The following GCA variants were observed in gnomAD, a reference collection of about 807,000 sequenced individuals.
GCA encodes the protein grancalcin, also known as grancalcin, EF-hand calcium-binding protein.
Under a neutral mutation model 32.6 loss-of-function variants are expected in GCA, and 30 were observed. The observed-to-expected ratio is 0.92, with a 90% CI of 0.69 to 1.25. GCA has a LOEUF of 1.25. Among genes scored for constraint, GCA ranks in the 50% most tolerant of loss-of-function variants. The pLI is 0.00. For missense variants in GCA, 291 were observed against 266.8 expected (o/e 1.09, Z -0.63); for synonymous variants, 102 against 84.6 (o/e 1.21, Z -1.13).
At chr2:162,372,952 G>T (rs1327569706), downstream of GCA, among the ~76,000 whole-genome samples, 1 of 152,054 alleles carries the variant, frequency 6.6e-6, no homozygotes, top group African/African-American at 2.4e-5. Context: ...TCTGGTGATG[G>T]GTGGGGTACA....
intron 1 of GCA, among the ~76,000 whole-genome samples, chr2:162,329,101 G>A (rs533690013): frequency 1.2e-4 from 19 of 152,156 alleles, no homozygotes; most frequent in Non-Finnish European, 1.9e-4. Context: ...CTACGGTCTC[G>A]GGGGTTTTTT....
At chr2:162,347,277 G>A (rs1285003757) in intron 1 of GCA, among the ~76,000 whole-genome samples, 3 of 152,070 alleles carry the variant, frequency 2.0e-5, no homozygotes, top group African/African-American at 7.2e-5. Flanking sequence ...GTTTACTTCA[G>A]TGATGTTGGT....
downstream of GCA, among the ~76,000 whole-genome samples, chr2:162,367,601 C>T (rs952845966): frequency 2.0e-5 from 3 of 151,922 alleles, no homozygotes; most frequent in Non-Finnish European, 2.9e-5. Context: ...AGCTATAAAC[C>T]TAATAGTGCA....
intron 1 of GCA, among the ~76,000 whole-genome samples, chr2:162,326,127 C>A (rs1683867642): frequency 6.6e-6 from 1 of 152,154 alleles, no homozygotes; most frequent in Admixed American, 6.5e-5. Context: ...TTGCCCCTTG[C>A]AGCCTTCCCT....
downstream of GCA, chr2:162,373,740 C>T (rs542519044): frequency 3.0e-6 from 3 of 997,846 alleles, no homozygotes; most frequent in South Asian, 5.6e-5. Context: ...AATTTCAGCA[C>T]TACCAAGAAA....
chr2:162,319,014 C>T, upstream of GCA: 1 of 380,102 alleles, frequency 2.6e-6, no homozygotes, highest in South Asian at 1.9e-5. Flanking sequence ...CAGAAACTGC[C>T]ACAGACCCGG....
rs1685607191 is a variant in GCA at position 162,362,328 on chromosome 2, A to G, written c.*2085A>G. 2.0e-6 allele frequency: 2 copies of G among 983,766 alleles called. No individual in the cohort carries two copies. The highest frequency in any genetic ancestry group is 2.4e-6 in the Non-Finnish European group (2 of 828,788). 60.9% of individuals were successfully genotyped at this position (983,766 alleles called of 1,614,324 possible). A position where few individuals can be genotyped will look rare whatever the true frequency, so the allele number is the denominator to read the frequency against. ...GCCAGGCAACTCTTCTGCACTTTAC[A>G]TTAAACAGACAAACTTATGTTAACA... On this transcript the variant is annotated 3_prime_UTR_variant, in exon 8 of 8. Coordinates refer to ENST00000437150, the MANE Select transcript of GCA (RefSeq NM_012198.5).
intron 1 of GCA, among the ~76,000 whole-genome samples, chr2:162,323,897 T>G (rs895180502): frequency 3.9e-5 from 6 of 151,956 alleles, no homozygotes; most frequent in African/African-American, 1.5e-4. Flanking sequence ...TGCGGGCTCT[T>G]TTTTGGTTCC....
chr2:162,345,129 G>GT (rs1684628030), intron 1 of GCA, among the ~76,000 whole-genome samples: 2 of 150,998 alleles, frequency 1.3e-5, no homozygotes, highest in Admixed American at 6.6e-5. Context: ...GGTGGTGGTG[G>GT]TGGTGGTTGT....
At chr2:162,347,789 T>G in intron 2 of GCA, 47 bp downstream of exon 2, 3 of 1,158,322 alleles carry the variant, frequency 2.6e-6, no homozygotes, top group Non-Finnish European at 3.6e-6. Flanking sequence ...AAATTATTGT[T>G]TAAGAGAAAT....
intron 1 of GCA, among the ~76,000 whole-genome samples, chr2:162,327,852 C>T (rs539585779): frequency 2.0e-5 from 3 of 152,336 alleles, no homozygotes; most frequent in South Asian, 2.1e-4. Flanking sequence ...AGATTAGAGC[C>T]ATTTCAAACT....
intron 1 of GCA, among the ~76,000 whole-genome samples, chr2:162,320,636 C>T (rs1179690876): frequency 6.6e-6 from 1 of 152,094 alleles, no homozygotes; most frequent in Admixed American, 6.5e-5. Flanking sequence ...AACATTTAAA[C>T]CAAAGATATT....
At chr2:162,320,264 G>T (rs931643186) in intron 1 of GCA, among the ~76,000 whole-genome samples, 2 of 152,164 alleles carry the variant, frequency 1.3e-5, no homozygotes, top group African/African-American at 4.8e-5. Flanking sequence ...AATTTTGGGA[G>T]ATGACCTTGT....
At chr2:162,374,707 T>A (rs1422665274), downstream of GCA, among the ~76,000 whole-genome samples, 1 of 152,008 alleles carries the variant, frequency 6.6e-6, no homozygotes, top group Non-Finnish European at 1.5e-5. Flanking sequence ...CATGAGAAAA[T>A]ATCTTCTTTT....
Position 162,356,849 on chromosome 2 carries a change from A to C in GCA, c.398A>C (p.Gln133Pro), listed in dbSNP as rs1685302094. The C allele has an allele frequency of 6.2e-7, 1 of 1,610,644 alleles. No homozygotes were observed. The highest frequency in any genetic ancestry group is 1.7e-5 in the Admixed American group (1 of 59,938). Reference protein sequence around the residue: ...AWKENFMTVDQDGSGTVEHHE... With the variant: ...AWKENFMTVDPDGSGTVEHHE... ...AAGGAAAACTTCATGACTGTTGATC[A>C]AGATGGAAGTGGCACAGTAGAACAT... Residue 133 changes from glutamine to proline, a missense_variant, in exon 5 of 8, where the codon CAA becomes CCA. Gln to Pro is a moderately conservative substitution (Grantham distance 76). Transcript: ENST00000437150.
intron 1 of GCA, among the ~76,000 whole-genome samples, chr2:162,338,553 G>A (rs1432085085): frequency 6.6e-6 from 1 of 152,016 alleles, no homozygotes; most frequent in Non-Finnish European, 1.5e-5. Flanking sequence ...ACTAACCAGT[G>A]GGATAAACAC....
At chr2:162,334,568 C>G (rs1055352888) in intron 1 of GCA, among the ~76,000 whole-genome samples, 5 of 152,158 alleles carry the variant, frequency 3.3e-5, no homozygotes, top group African/African-American at 1.2e-4. Flanking sequence ...CATGACTGTG[C>G]CTATGTTACA....
At chr2:162,373,470 T>G, downstream of GCA, 1 of 1,520,408 alleles carries the variant, frequency 6.6e-7, no homozygotes, top group Non-Finnish European at 8.8e-7. Flanking sequence ...CCACACTTAC[T>G]TGTGAGGAAG....
At chr2:162,364,595 A>T (rs1297117914), downstream of GCA, among the ~76,000 whole-genome samples, 1 of 151,506 alleles carries the variant, frequency 6.6e-6, no homozygotes, top group Non-Finnish European at 1.5e-5. Flanking sequence ...AACCCTTAAG[A>T]TGAAGGTTGG....
Sources: allele counts gnomAD v4.1 joint callset (sites outside exome capture counted in the v4.1 genomes callset), GRCh38; gene constraint gnomAD v4.1.1; transcripts MANE v1.5; gene names NCBI Gene and HGNC (gene_info 2026-07-23, HGNC 2026-07-21).